LUC7L2: variants seen among roughly 807,000 people sequenced by gnomAD.
LUC7L2 encodes LUC7 like 2, pre-mRNA splicing factor.
Under a neutral mutation model 52.8 loss-of-function variants are expected in LUC7L2, and 25 were observed. That is an observed-to-expected ratio of 0.47 (90% confidence interval 0.34 to 0.66). The LOEUF is 0.66. Among genes scored for constraint, LUC7L2 ranks in the 30% least tolerant of loss-of-function variants. The pLI is 0.01. For missense variants in LUC7L2, 328 were observed against 497.8 expected (o/e 0.66, Z 3.25); for synonymous variants, 144 against 160.9 (o/e 0.89, Z 0.80).
At chr7:139,403,704 C>A (rs1271215262) in intron 4 of LUC7L2, among the ~76,000 whole-genome samples, 1 of 152,194 alleles carries the variant, frequency 6.6e-6, no homozygotes, top group Non-Finnish European at 1.5e-5. Flanking sequence ...ACTTAAAACA[C>A]TATTTATTTA....
rs1296918567 is a variant in LUC7L2, at chr7:139,407,000, GGTTTTTT to G, written c.511-173_511-167del. 2.2e-4 allele frequency among the ~76,000 whole-genome samples: 24 copies of G among 111,624 alleles called. No individual in the cohort carries two copies. The Admixed American group carries it at 2.3e-3, about 10-fold the overall frequency. The allele number at this position is 111,624 out of a possible 152,430, so 73.2% of individuals were successfully genotyped here. On this transcript the variant is annotated intron_variant, in intron 5 of 9. Transcript: ENST00000354926. ...CATAACAAAATAGCCATGCTTTTGTGGTTTTTTTTTTTTTTTTTTTTTGAGCTGGAGT... is the reference window on the plus strand; with the variant it reads ...CATAACAAAATAGCCATGCTTTTGTGTTTTTTTTTTTTTTTGAGCTGGAGT...
intron 2 of LUC7L2, among the ~76,000 whole-genome samples, chr7:139,390,823 T>A (rs1794419568): frequency 6.6e-6 from 1 of 152,204 alleles, no homozygotes; most frequent in Non-Finnish European, 1.5e-5. Context: ...CCCAAACTGC[T>A]GGGATTACAG....
At chr7:139,355,004 C>T (rs1799567830), upstream of LUC7L2, among the ~76,000 whole-genome samples, 1 of 151,940 alleles carries the variant, frequency 6.6e-6, no homozygotes, top group Non-Finnish European at 1.5e-5. Flanking sequence ...ATTACTGGCG[C>T]ACAACATGCT....
intron 2 of LUC7L2, among the ~76,000 whole-genome samples, chr7:139,380,457 G>A (rs1368820305): frequency 6.6e-6 from 1 of 151,826 alleles, no homozygotes; most frequent in African/African-American, 2.4e-5. Flanking sequence ...AAAAGTAGCC[G>A]GGCATGGTGG....
intron 1 of LUC7L2, among the ~76,000 whole-genome samples, chr7:139,370,739 G>A (rs1800403529): frequency 6.6e-6 from 1 of 152,248 alleles, no homozygotes; most frequent in Non-Finnish European, 1.5e-5. Flanking sequence ...ACAGGCATGA[G>A]CCACTGTGCC....
rs1323633355 is a variant in LUC7L2, at chr7:139,405,659, G to C, written c.382G>C (p.Glu128Gln). The C allele has an allele frequency of 6.2e-7, 1 of 1,606,340 alleles. No homozygotes were observed. Among genetic ancestry groups the C allele is most frequent in the South Asian group, 1.1e-5 (1 of 88,868 alleles). Residue 128 changes from glutamate (E) to glutamine (Q), a missense_variant, in exon 5 of 10, where the codon GAG (glutamate) becomes CAG (glutamine). Transcript: ENST00000354926. ...TTCTTTTTAGGCAGAACGTGTTCATGAGTTAAATGAAGAAATTGGTAAATT... is the reference window on the plus strand; with the variant it reads ...TTCTTTTTAGGCAGAACGTGTTCATCAGTTAAATGAAGAAATTGGTAAATT... Reference protein sequence around the residue: ...EVAAKAERVHELNEEIGKLLA... With the variant: ...EVAAKAERVHQLNEEIGKLLA...
At chr7:139,398,516 T>C (rs1034669044) in intron 2 of LUC7L2, 83 bp from the exon 3 acceptor site, 6 of 1,080,678 alleles carry the variant, frequency 5.6e-6, no homozygotes, top group Non-Finnish European at 7.8e-6. Flanking sequence ...ACTTAATATG[T>C]ATTCTGACAA....
chr7:139,386,387 TTTCTCTGTCACTGGAAA>T, intron 2 of LUC7L2, among the ~76,000 whole-genome samples: 1 of 151,624 alleles, frequency 6.6e-6, no homozygotes, highest in African/African-American at 2.4e-5. Context: ...TGGAAATATT[TTTCTCTGTCACTGGAAA>T]TTTTTTTTTT....
chr7:139,398,894 T>TG (rs1000233183), intron 3 of LUC7L2, among the ~76,000 whole-genome samples, 197 bp downstream of exon 3: 2 of 152,172 alleles, frequency 1.3e-5, no homozygotes, highest in Non-Finnish European at 2.9e-5. Flanking sequence ...TAAGAAAATG[T>TG]GTAACAGTCG....
chr7:139,345,918 A>AT (rs568629078), intron 1 of LUC7L2: 167 of 440,144 alleles, frequency 3.8e-4, no homozygotes, highest in African/African-American at 3.1e-3. Context: ...ACTTAAAAAA[A>AT]TTTTTTTATA....
At position 139,349,645 on chromosome 7, in the gene LUC7L2, AG is replaced by A. The variant is rs1189281726; in HGVS notation, c.-26+9129del. Among the ~76,000 whole-genome samples the A allele has an allele frequency of 2.1e-5, 3 of 140,466 alleles. No homozygotes were observed. In the Admixed American group the frequency reaches 2.2e-4, roughly 10 times the overall value. The allele number at this position is 140,466 out of a possible 152,430, so 92.2% of individuals were successfully genotyped here. A position where few individuals can be genotyped will look rare whatever the true frequency, so the allele number is the denominator to read the frequency against. Reference sequence around the variant, plus strand: ...CCCCCCCACCGGATTTTCCTTTAATAGTACTTAAATATGCTTAAGACTTTTC... The same window carrying A: ...CCCCCCCACCGGATTTTCCTTTAATATACTTAAATATGCTTAAGACTTTTC... On this transcript the variant is annotated intron_variant, in intron 1 of 10. Coordinates refer to the LUC7L2 transcript ENST00000541170.
intron 1 of LUC7L2, chr7:139,341,165 C>T: frequency 1.5e-6 from 1 of 673,408 alleles, no homozygotes. Flanking sequence ...GTCCTGGTAC[C>T]TTCAGTTAAC....
At chr7:139,394,229 A>C (rs1191146368) in intron 2 of LUC7L2, among the ~76,000 whole-genome samples, 1 of 152,198 alleles carries the variant, frequency 6.6e-6, no homozygotes, top group African/African-American at 2.4e-5. Context: ...GCCCTGTGCC[A>C]AATGTTCTTC....
rs1290716635 is a variant in LUC7L2 at position 139,422,575 on chromosome 7, TAAG to T, written c.*237_*239del. 2 of 808,912 alleles carry T rather than the reference TAAG, an allele frequency of 2.5e-6. No individual in the cohort carries two copies. Among genetic ancestry groups the T allele is most frequent in the Non-Finnish European group, 3.3e-6 (2 of 598,112 alleles). 50.1% of individuals were successfully genotyped at this position (808,912 alleles called of 1,614,324 possible). On this transcript the variant is annotated 3_prime_UTR_variant, in exon 10 of 10. Coordinates refer to ENST00000354926, the MANE Select transcript of LUC7L2 (RefSeq NM_016019.5). ...GTTCTGAAAGTACAGTTTTATATAATAAGATGCTGATCTCTTTATTCTTTCAAG... is the reference window on the plus strand; with the variant it reads ...GTTCTGAAAGTACAGTTTTATATAATATGCTGATCTCTTTATTCTTTCAAG...
chr7:139,398,475 G>T, intron 2 of LUC7L2, 124 bp from the exon 3 acceptor site: 1 of 625,148 alleles, frequency 1.6e-6, no homozygotes, highest in Non-Finnish European at 2.4e-6. Context: ...TTTGTAATTT[G>T]GAAGCCCCTA....
intron 9 of LUC7L2, among the ~76,000 whole-genome samples, chr7:139,418,354 G>A (rs1197978740): frequency 6.6e-6 from 1 of 152,206 alleles, no homozygotes; most frequent in African/African-American, 2.4e-5. Flanking sequence ...TGTGGTAGAA[G>A]AGTTTAGCAT....
intron 2 of LUC7L2, among the ~76,000 whole-genome samples, chr7:139,396,435 C>G (rs1459086675): frequency 6.6e-6 from 1 of 151,940 alleles, no homozygotes; most frequent in African/African-American, 2.4e-5. Flanking sequence ...AAAGTGAGAC[C>G]TTGTCTCAAA....
rs748340000 is a variant in LUC7L2 at position 139,353,258 on chromosome 7, G to A, written c.-26+12741G>A. Reference sequence around the variant, plus strand: ...ATGTACCGATGCCCCAAGTAAAACCGCAATATTAATTTGTATGATATAGCC... The same window carrying A: ...ATGTACCGATGCCCCAAGTAAAACCACAATATTAATTTGTATGATATAGCC... On this transcript the variant is annotated intron_variant, in intron 1 of 10. Transcript: ENST00000541170. Among the ~76,000 whole-genome samples the A allele has an allele frequency of 3.3e-5, 5 of 152,176 alleles. No individual in the cohort carries two copies. The South Asian group carries it at 6.2e-4, about 19-fold the overall frequency.
intron 4 of LUC7L2, 98 bp from the exon 5 acceptor site, chr7:139,405,546 C>G: frequency 7.1e-7 from 1 of 1,404,194 alleles, no homozygotes; most frequent in Non-Finnish European, 9.4e-7. Flanking sequence ...CACATACTGC[C>G]TTAGATAACA....
Sources: allele counts gnomAD v4.1 joint callset (sites outside exome capture counted in the v4.1 genomes callset), GRCh38; gene constraint gnomAD v4.1.1; transcripts MANE v1.5; gene names NCBI Gene and HGNC (gene_info 2026-07-23, HGNC 2026-07-21).